Variants in TXNL1 observed in about 807,000 individuals in gnomAD.
The protein encoded by TXNL1 is thioredoxin like 1, also known as thioredoxin-like protein 1.
TXNL1 carries 14 observed loss-of-function variants against 35.5 expected under a neutral mutation model. The ratio of observed to expected loss-of-function variants is 0.39; its 90% CI spans 0.26 to 0.62. TXNL1 has a LOEUF of 0.62. TXNL1 is among the 20% of genes least tolerant of loss of function. The pLI is 0.47. For missense variants in TXNL1, 263 were observed against 349.7 expected (o/e 0.75, Z 1.98); for synonymous variants, 110 against 115.5 (o/e 0.95, Z 0.31).
intron 5 of TXNL1, 110 bp from the exon 6 acceptor site, chr18:56,614,706 A>G (rs2024055734): frequency 1.2e-6 from 1 of 803,584 alleles, no homozygotes; most frequent in Non-Finnish European, 1.9e-6. Context: ...ATACACATAT[A>G]CTTCAAATAA....
chr18:56,604,972 TTTTA>T, intron 7 of TXNL1, among the ~76,000 whole-genome samples: 1 of 152,120 alleles, frequency 6.6e-6, no homozygotes, highest in Admixed American at 6.5e-5. Context: ...AACAATTTAA[TTTTA>T]TTGTGATGTT....
intron 1 of TXNL1, among the ~76,000 whole-genome samples, chr18:56,630,667 T>C (rs2024356352): frequency 6.6e-6 from 1 of 152,210 alleles, no homozygotes; most frequent in Admixed American, 6.5e-5. Flanking sequence ...GACACACATC[T>C]TGCAGCTGAA....
rs1487676215 is a variant in TXNL1, at chr18:56,602,631, T to G, written c.*396A>C. 5.3e-6 allele frequency: 1 copy of G among 188,412 alleles called. No individual in the cohort carries two copies. The highest frequency in any genetic ancestry group is 6.1e-5 in the Admixed American group (1 of 16,308). 11.7% of individuals were successfully genotyped at this position (188,412 alleles called of 1,614,324 possible). On this transcript the variant is annotated 3_prime_UTR_variant, in exon 8 of 8. Transcript: ENST00000217515. ...TTTAACATGGTTAGCTGTTCCAGGT[T>G]CACTTATCAAAATAACTTGCCATGA... is the stretch of plus-strand genomic sequence containing the variant.
At position 56,638,344 on chromosome 18, in the gene TXNL1, C is replaced by G; in HGVS notation, c.97G>C (p.Gly33Arg). The change falls in exon 1 of 8, where the codon GGG becomes CGG. Residue 33 changes from glycine (G) to arginine (R), a missense_variant and splice_region_variant. By Grantham distance (125) the Gly-to-Arg change is moderately radical. Transcript: ENST00000217515. ...RLAVVKFTMR[G>R]CGPCLRIAPA... ...CACAGAGCTCGAGCCTGGCCTCACC[C>G]TCTCATGGTGAACTTGACCACGGCG... is the stretch of plus-strand genomic sequence containing the variant. 1.2e-6 allele frequency: 2 copies of G among 1,612,398 alleles called. No individual in the cohort carries two copies. The highest frequency in any genetic ancestry group is 1.7e-6 in the Non-Finnish European group (2 of 1,179,010).
At chr18:56,610,179 A>G (rs939317447) in intron 7 of TXNL1, 5 of 152,234 alleles carry the variant, frequency 3.3e-5, no homozygotes, top group African/African-American at 4.8e-5. Context: ...TGCAATCATT[A>G]GAGACAGTGG....
rs1456794816 is a variant in TXNL1, at chr18:56,601,786, G to C, written c.*1241C>G. 11 of 152,034 alleles carry C rather than the reference G, an allele frequency of 7.2e-5. No individual in the cohort carries two copies. Among genetic ancestry groups the C allele is most frequent in the African/African-American group, 2.7e-4 (11 of 41,402 alleles). 9.4% of individuals were successfully genotyped at this position (152,034 alleles called of 1,614,324 possible). On this transcript the variant is annotated 3_prime_UTR_variant, in exon 8 of 8. Transcript: ENST00000217515. ...CAGTCTTATGTACTCTTTAAAAATA[G>C]TTTTCAAAATACTCAGAAATTTTAA... is the stretch of plus-strand genomic sequence containing the variant.
chr18:56,626,852 C>T (rs2024292158), intron 1 of TXNL1, among the ~76,000 whole-genome samples: 1 of 136,910 alleles, frequency 7.3e-6, no homozygotes, highest in African/African-American at 2.8e-5. Context: ...TAACCCAGGC[C>T]AGAGTACAGT....
At chr18:56,630,014 C>A (rs2024346160) in intron 1 of TXNL1, among the ~76,000 whole-genome samples, 4 of 152,200 alleles carry the variant, frequency 2.6e-5, no homozygotes, top group South Asian at 2.1e-4. Flanking sequence ...GCCTGGCCAA[C>A]AAGGTGAAAC....
At chr18:56,623,496 C>CCAGTG (rs1451146465) in intron 3 of TXNL1, among the ~76,000 whole-genome samples, 1 of 151,700 alleles carries the variant, frequency 6.6e-6, no homozygotes, top group East Asian at 1.9e-4. Context: ...CTTTGATCTG[C>CCAGTG]CAGTGCAGTA....
At position 56,602,530 on chromosome 18, in the gene TXNL1, T is replaced by C. The variant is rs1352272389; in HGVS notation, c.*497A>G. 1 of 154,892 alleles carries C rather than the reference T, an allele frequency of 6.5e-6. No individual in the cohort carries two copies. Among genetic ancestry groups the C allele is most frequent in the Non-Finnish European group, 1.4e-5 (1 of 69,982 alleles). 9.6% of individuals were successfully genotyped at this position (154,892 alleles called of 1,614,324 possible). ...AGCTAAATCTCATTAAACCTGTTTA[T>C]TTCTTCTAATTTATAATTTGAGTAA... On this transcript the variant is annotated 3_prime_UTR_variant, in exon 8 of 8. Transcript: ENST00000217515.
chr18:56,616,704 C>T (rs995847736), intron 4 of TXNL1, among the ~76,000 whole-genome samples: 1 of 152,214 alleles, frequency 6.6e-6, no homozygotes, highest in Non-Finnish European at 1.5e-5. Context: ...TATCTATCCA[C>T]ATCACTTGAC....
At position 56,626,797 on chromosome 18, in the gene TXNL1, C is replaced by CTTTTTTTTTTTTTTTTTTTTTT. The variant is rs386387792; in HGVS notation, c.99-362_99-341dup. Among the ~76,000 whole-genome samples the CTTTTTTTTTTTTTTTTTTTTTT allele has an allele frequency of 2.2e-4, 12 of 55,010 alleles. 2 individuals are homozygous for CTTTTTTTTTTTTTTTTTTTTTT. Among genetic ancestry groups the CTTTTTTTTTTTTTTTTTTTTTT allele is most frequent in the African/African-American group, 4.1e-4 (6 of 14,702 alleles). 36.1% of individuals were successfully genotyped at this position (55,010 alleles called of 152,430 possible). Reference sequence around the variant, plus strand: ...TACAGGCGTGAGCCACCAAGCCGGTCTTTTTTTTTTTTTTTTTTTTTTTTG... The same window carrying CTTTTTTTTTTTTTTTTTTTTTT: ...TACAGGCGTGAGCCACCAAGCCGGTCTTTTTTTTTTTTTTTTTTTTTTTTTTTTTTTTTTTTTTTTTTTTTTG... On this transcript the variant is annotated intron_variant, in intron 1 of 7. Transcript: ENST00000217515.
rs2023814829 is a variant in TXNL1 at position 56,601,948 on chromosome 18, C to T, written c.*1079G>A. ...CTCATTTTCAACCTTAAATCATGTTCTCTGTATATTTACACTGCACGTTTT... is the reference window on the plus strand; with the variant it reads ...CTCATTTTCAACCTTAAATCATGTTTTCTGTATATTTACACTGCACGTTTT... On this transcript the variant is annotated 3_prime_UTR_variant, in exon 8 of 8. Coordinates refer to ENST00000217515, the MANE Select transcript of TXNL1 (RefSeq NM_004786.3). The T allele has an allele frequency of 6.6e-6, 1 of 152,148 alleles. No individual in the cohort carries two copies. Among genetic ancestry groups the T allele is most frequent in the South Asian group, 2.1e-4 (1 of 4,828 alleles). 9.4% of individuals were successfully genotyped at this position (152,148 alleles called of 1,614,324 possible).
intron 4 of TXNL1, among the ~76,000 whole-genome samples, chr18:56,617,739 C>G (rs577933542): frequency 2.6e-5 from 4 of 152,172 alleles, no homozygotes; most frequent in African/African-American, 9.7e-5. Context: ...AAAGACCAAA[C>G]AGTGGTAAGA....
intron 7 of TXNL1, among the ~76,000 whole-genome samples, chr18:56,608,107 A>G (rs2023932243): frequency 6.6e-6 from 1 of 152,146 alleles, no homozygotes; most frequent in Non-Finnish European, 1.5e-5. Flanking sequence ...CCCGACAGAT[A>G]AGGAGAGACT....
chr18:56,602,840 G>A lies in TXNL1; in HGVS notation c.*187C>T. On this transcript the variant is annotated 3_prime_UTR_variant, in exon 8 of 8. Transcript: ENST00000217515. ...ACAAAAATTAAGCTTGGCAAAAGTG[G>A]TGACTTTTATTTACAATTGCATGTG... The A allele has an allele frequency of 1.5e-6, 1 of 665,628 alleles. No homozygotes were observed. The highest frequency in any genetic ancestry group is 2.6e-6 in the Non-Finnish European group (1 of 390,040). The allele number at this position is 665,628 out of a possible 1,614,324, so 41.2% of individuals were successfully genotyped here. A position where few individuals can be genotyped will look rare whatever the true frequency, so the allele number is the denominator to read the frequency against.
chr18:56,616,878 T>C (rs1414876534), intron 4 of TXNL1, among the ~76,000 whole-genome samples: 1 of 152,174 alleles, frequency 6.6e-6, no homozygotes, highest in Non-Finnish European at 1.5e-5. Context: ...GGAAGAGGAA[T>C]ATGAAACACT....
At chr18:56,610,431 G>C (rs2023971836) in intron 7 of TXNL1, 1 of 152,370 alleles carries the variant, frequency 6.6e-6, no homozygotes, top group Non-Finnish European at 1.5e-5. Flanking sequence ...CTTTTCAAAA[G>C]AAAATTATAT....
At chr18:56,616,156 A>C in intron 5 of TXNL1, 89 bp downstream of exon 5, 1 of 1,172,034 alleles carries the variant, frequency 8.5e-7, no homozygotes, top group Non-Finnish European at 1.2e-6. Flanking sequence ...AGAAAAAACA[A>C]GTACCTCTAT....
Sources: gnomAD v4.1 joint callset for allele counts (sites outside exome capture counted in the v4.1 genomes callset) on GRCh38, gnomAD v4.1.1 for gene constraint, MANE v1.5 for transcripts, NCBI Gene and HGNC (gene_info 2026-07-23, HGNC 2026-07-21) for gene names.